The following PDZRN4 variants were observed in gnomAD, a reference collection of about 807,000 sequenced individuals.
PDZRN4 encodes PDZ domain containing ring finger 4, also known as PDZ domain-containing RING finger protein 4.
A neutral mutation model predicts 99.0 loss-of-function variants in PDZRN4; 70 were observed. That is an observed-to-expected ratio of 0.71 (90% CI 0.58 to 0.86). PDZRN4 has a LOEUF of 0.86. Among genes scored for constraint, PDZRN4 ranks in the 40% least tolerant of loss-of-function variants. The pLI is 0.00. For synonymous variants in PDZRN4, 551 were observed against 501.6 expected, an observed-to-expected ratio of 1.10 and a Z score of -1.32; for missense variants, 1,474 against 1,331.2, an observed-to-expected ratio of 1.11 and a Z score of -1.67.
At chr12:41,210,354 A>C (rs1413069957) in intron 3 of PDZRN4, among the ~76,000 whole-genome samples, 1 of 152,086 alleles carries the variant, frequency 6.6e-6, no homozygotes, top group Non-Finnish European at 1.5e-5. Flanking sequence ...TAGTTTAATT[A>C]GATCCCATTT....
Position 41,383,193 on chromosome 12 carries a change from T to A in PDZRN4, c.844-123263T>A, listed in dbSNP as rs372755706. Among the ~76,000 whole-genome samples, 107 of 152,292 alleles carry A rather than the reference T, an allele frequency of 7.0e-4. 1 individual carries two copies. Among genetic ancestry groups the A allele is most frequent in the African/African-American group, 2.5e-3 (106 of 41,582 alleles). On this transcript the variant is annotated intron_variant, in intron 3 of 9. Transcript: ENST00000402685. ...GCTCTTTAGAGCACTGAATGAGGAC[T>A]TTGGCACCTAATTTGGAATTTTGGA...
intron 3 of PDZRN4, among the ~76,000 whole-genome samples, chr12:41,303,238 A>G (rs1370986758): frequency 6.6e-6 from 1 of 152,182 alleles, no homozygotes; most frequent in Non-Finnish European, 1.5e-5. Flanking sequence ...TAAAACCACC[A>G]GTCAGACCAT....
chr12:41,198,012 T>C (rs933912105), intron 3 of PDZRN4, among the ~76,000 whole-genome samples: 9 of 148,018 alleles, frequency 6.1e-5, no homozygotes, highest in Admixed American at 2.8e-4. Flanking sequence ...CCTCTGGGAC[T>C]CAAGGTATCC....
At chr12:41,487,107 A>C (rs2733287) in intron 3 of PDZRN4, among the ~76,000 whole-genome samples, 82,051 of 151,944 alleles carry the variant, frequency 0.54, 22,917 homozygotes, top group African/African-American at 0.7. Context: ...TTTCCATATG[A>C]TTAAAATTAA....
At chr12:41,271,869 G>C (rs573222513) in intron 3 of PDZRN4, among the ~76,000 whole-genome samples, 121 of 152,084 alleles carry the variant, frequency 8.0e-4, no homozygotes, top group Non-Finnish European at 1.4e-3. Context: ...TATCATTAGG[G>C]AATATCTGAA....
intron 9 of PDZRN4, among the ~76,000 whole-genome samples, chr12:41,569,269 G>A (rs7974390): frequency 0.013 from 1,944 of 152,088 alleles, 41 homozygotes; most frequent in African/African-American, 0.044. Context: ...ATAAGTGCAC[G>A]CCATCATGCT....
At chr12:41,400,775 T>C (rs1278093258) in intron 3 of PDZRN4, among the ~76,000 whole-genome samples, 1 of 152,188 alleles carries the variant, frequency 6.6e-6, no homozygotes, top group Non-Finnish European at 1.5e-5. Context: ...TAGGAACAGA[T>C]GTTGCTTTAC....
At chr12:41,462,197 G>T (rs1193343844) in intron 3 of PDZRN4, among the ~76,000 whole-genome samples, 1 of 152,126 alleles carries the variant, frequency 6.6e-6, no homozygotes, top group Non-Finnish European at 1.5e-5. Context: ...CTTCATATAT[G>T]ATTTTTGTAT....
chr12:41,386,263 A>G (rs1952170173), intron 3 of PDZRN4, among the ~76,000 whole-genome samples: 1 of 152,320 alleles, frequency 6.6e-6, no homozygotes, highest in East Asian at 1.9e-4. Flanking sequence ...CAAGACAAAG[A>G]TATTCTCTCT....
chr12:41,312,487 G>T (rs530697521), intron 3 of PDZRN4, among the ~76,000 whole-genome samples: 2 of 152,052 alleles, frequency 1.3e-5, no homozygotes, highest in Non-Finnish European at 2.9e-5. Flanking sequence ...TTCTCATGCC[G>T]CTAATAAAGA....
chr12:41,470,877 C>T (rs1170908428), intron 3 of PDZRN4, among the ~76,000 whole-genome samples: 14 of 152,176 alleles, frequency 9.2e-5, no homozygotes, highest in Non-Finnish European at 2.9e-5. Flanking sequence ...GCCACAGCCC[C>T]ACACCAGCAC....
intron 3 of PDZRN4, among the ~76,000 whole-genome samples, chr12:41,219,689 G>C (rs986619536): frequency 6.6e-6 from 1 of 152,024 alleles, no homozygotes; most frequent in Middle Eastern, 3.2e-3. Context: ...AATACTTCAC[G>C]AAGTGTATGA....
intron 4 of PDZRN4, chr12:41,509,573 C>A (rs1044705317): frequency 3.4e-6 from 1 of 290,434 alleles, no homozygotes; most frequent in Non-Finnish European, 6.5e-6. Context: ...CCACAGAATA[C>A]AACTCTGACC....
At chr12:41,559,257 A>G (rs1388070810) in intron 7 of PDZRN4, among the ~76,000 whole-genome samples, 2 of 152,108 alleles carry the variant, frequency 1.3e-5, no homozygotes, top group Non-Finnish European at 2.9e-5. Context: ...TGCAGAAGAG[A>G]AACCAGGAAC....
intron 3 of PDZRN4, among the ~76,000 whole-genome samples, chr12:41,392,072 T>G (rs1952214406): frequency 6.6e-6 from 1 of 152,132 alleles, no homozygotes; most frequent in Non-Finnish European, 1.5e-5. Context: ...TTAGGTCACA[T>G]AAAATGTACT....
intron 3 of PDZRN4, among the ~76,000 whole-genome samples, chr12:41,322,592 G>A (rs11180818): frequency 0.51 from 74,162 of 146,260 alleles, 19,941 homozygotes; most frequent in East Asian, 0.67. Context: ...CCTGGTTCAC[G>A]CCATTCTCCT....
intron 3 of PDZRN4, among the ~76,000 whole-genome samples, chr12:41,255,139 T>A (rs1343535842): frequency 6.6e-6 from 1 of 151,766 alleles, no homozygotes; most frequent in African/African-American, 2.4e-5. Context: ...CAGGAGTGAT[T>A]TATGGGGAAA....
intron 3 of PDZRN4, among the ~76,000 whole-genome samples, chr12:41,387,540 C>T (rs1001488780): frequency 5.9e-5 from 9 of 151,964 alleles, no homozygotes; most frequent in African/African-American, 1.5e-4. Context: ...TGCAGGAAGC[C>T]GAGATCGCAC....
intron 3 of PDZRN4, among the ~76,000 whole-genome samples, chr12:41,416,644 C>T (rs755080010): frequency 4.6e-5 from 7 of 151,982 alleles, no homozygotes; most frequent in Non-Finnish European, 7.4e-5. Context: ...GCAACAACAG[C>T]GAAACTCCAT....
Sources: allele counts gnomAD v4.1 joint callset (sites outside exome capture counted in the v4.1 genomes callset), GRCh38; gene constraint gnomAD v4.1.1; transcripts MANE v1.5; gene names NCBI Gene and HGNC (gene_info 2026-07-23, HGNC 2026-07-21).